Variants in PAPPA2 observed in about 807,000 individuals in gnomAD.
PAPPA2 encodes the protein pappalysin-2.
Under a neutral mutation model 176.4 loss-of-function variants are expected in PAPPA2, and 86 were observed. The observed-to-expected ratio is 0.49, with a 90% CI of 0.41 to 0.58. The LOEUF is 0.58. Among genes scored for constraint, PAPPA2 ranks in the 20% least tolerant of loss-of-function variants. The pLI is 0.00. For synonymous variants in PAPPA2, 809 were observed against 852.2 expected, an observed-to-expected ratio of 0.95 and a Z score of 0.88; for missense variants, 2,073 against 2,256.9, an observed-to-expected ratio of 0.92 and a Z score of 1.65.
In PAPPA2 at chr1:176,699,227, A is replaced by G; in HGVS notation, c.2874A>G (p.Gln958=). Residue 958 remains glutamine, a synonymous_variant, in exon 8 of 23, where the codon CAA becomes CAG. Coordinates refer to ENST00000367662, the MANE Select transcript of PAPPA2 (RefSeq NM_020318.3). ...GCTGTAGCTTGGAGCTGCTCTTCCA[A>G]CACCCGGTCCAAGCCGACACCCTCA... The part of the protein sequence containing the change: ...TEGCSLELLF[Q]HPVQADTLTL... 1 of 1,614,018 alleles carries G rather than the reference A, an allele frequency of 6.2e-7. No individual in the cohort carries two copies.
intron 12 of PAPPA2, among the ~76,000 whole-genome samples, chr1:176,719,719 A>G (rs961751354): frequency 6.6e-6 from 1 of 152,106 alleles, no homozygotes; most frequent in Admixed American, 6.5e-5. Flanking sequence ...TATTTCTTTT[A>G]TAACTCCATT....
chr1:176,811,183 ATTC>A (rs1415575932), intron 21 of PAPPA2, among the ~76,000 whole-genome samples: 1 of 152,224 alleles, frequency 6.6e-6, no homozygotes, highest in Non-Finnish European at 1.5e-5. Flanking sequence ...GTCTCTATGA[ATTC>A]TTATTATAAA....
chr1:176,740,163 C>G lies in PAPPA2; in HGVS notation c.4118C>G (p.Ser1373Ter). The change falls in exon 14 of 23, where the codon TCA becomes TGA. Residue 1373 changes from serine to a stop codon, truncating the protein, a stop_gained. Transcript: ENST00000367662. LOFTEE classifies it high-confidence loss of function. ...IGLSAPSNCI[S>*]EDEGQNHQGQ... ...CTTTCGGCTCCCAGTAACTGCATCT[C>G]AGAGGACGAGGGGCAGAATCATCAG... 5.0e-6 allele frequency: 8 copies of G among 1,613,828 alleles called. No homozygotes were observed. Among genetic ancestry groups the G allele is most frequent in the Non-Finnish European group, 6.8e-6 (8 of 1,179,854 alleles).
chr1:176,623,609 TCCTTCC>T (rs1655736768), intron 3 of PAPPA2, among the ~76,000 whole-genome samples: 189 of 137,466 alleles, frequency 1.4e-3, no homozygotes, highest in South Asian at 1.9e-3. Context: ...CTTCCTTCCT[TCCTTCC>T]TTCCTTCCTT....
chr1:176,551,002 C>CA (rs1271303559), intron 1 of PAPPA2, among the ~76,000 whole-genome samples: 1 of 152,056 alleles, frequency 6.6e-6, no homozygotes, highest in Non-Finnish European at 1.5e-5. Flanking sequence ...CCAGAGAAGG[C>CA]AAAAAAGCTG....
At chr1:176,691,521 T>C (rs1296152853) in intron 5 of PAPPA2, among the ~76,000 whole-genome samples, 5 of 152,170 alleles carry the variant, frequency 3.3e-5, no homozygotes, top group African/African-American at 4.8e-5. Context: ...AGAGGAAACA[T>C]TTAGGAAGCT....
At chr1:176,494,704 A>G (rs887604965) in intron 1 of PAPPA2, among the ~76,000 whole-genome samples, 2 of 152,176 alleles carry the variant, frequency 1.3e-5, no homozygotes, top group Non-Finnish European at 1.5e-5. Context: ...CGGCCTTCTG[A>G]TAACACGGCC....
intron 2 of PAPPA2, among the ~76,000 whole-genome samples, chr1:176,577,494 A>G (rs1334646868): frequency 6.6e-6 from 1 of 152,176 alleles, no homozygotes; most frequent in Non-Finnish European, 1.5e-5. Flanking sequence ...CTTATTTGTA[A>G]AAGCTTGGAG....
chr1:176,839,689 A>G (rs780458532), intron 21 of PAPPA2, among the ~76,000 whole-genome samples: 6 of 152,150 alleles, frequency 3.9e-5, no homozygotes, highest in Non-Finnish European at 5.9e-5. Context: ...ACCAAGTTAC[A>G]TGACATCTAA....
At chr1:176,696,527 TCAAA>T (rs1278920954) in intron 7 of PAPPA2, among the ~76,000 whole-genome samples, 5 of 152,174 alleles carry the variant, frequency 3.3e-5, no homozygotes, top group Non-Finnish European at 5.9e-5. Context: ...CCCTAACTTT[TCAAA>T]CAGTCACACA....
At chr1:176,525,814 C>T (rs1649466141) in intron 1 of PAPPA2, among the ~76,000 whole-genome samples, 1 of 152,194 alleles carries the variant, frequency 6.6e-6, no homozygotes, top group African/African-American at 2.4e-5. Context: ...AGGTATTCAC[C>T]TGGTTCTTCC....
intron 1 of PAPPA2, among the ~76,000 whole-genome samples, chr1:176,536,280 G>A (rs948338627): frequency 6.6e-6 from 1 of 152,172 alleles, no homozygotes; most frequent in Non-Finnish European, 1.5e-5. Flanking sequence ...TAGGGTCCGG[G>A]TGAGCTTTTC....
At chr1:176,786,125 AAGG>A (rs1378681538) in intron 17 of PAPPA2, among the ~76,000 whole-genome samples, 2 of 152,142 alleles carry the variant, frequency 1.3e-5, no homozygotes, top group Admixed American at 6.6e-5. Context: ...CTGCAGTGTG[AAGG>A]AGGAGTAAAA....
intron 1 of PAPPA2, among the ~76,000 whole-genome samples, chr1:176,521,241 G>A (rs759403495): frequency 4.6e-5 from 7 of 151,924 alleles, no homozygotes; most frequent in Admixed American, 1.3e-4. Context: ...CTTGGACTTC[G>A]CCAATATAAT....
At chr1:176,467,847 A>C (rs576310728) in intron 1 of PAPPA2, among the ~76,000 whole-genome samples, 2 of 152,230 alleles carry the variant, frequency 1.3e-5, no homozygotes, top group South Asian at 4.1e-4. Context: ...TTGTGGAGCC[A>C]CTACAATGTA....
At chr1:176,756,449 A>T (rs1017900031) in intron 14 of PAPPA2, among the ~76,000 whole-genome samples, 1 of 152,184 alleles carries the variant, frequency 6.6e-6, no homozygotes, top group East Asian at 1.9e-4. Flanking sequence ...GGATCAGCTA[A>T]TATATACATA....
At chr1:176,808,339 C>A (rs1665996290) in intron 21 of PAPPA2, among the ~76,000 whole-genome samples, 1 of 152,124 alleles carries the variant, frequency 6.6e-6, no homozygotes, top group African/African-American at 2.4e-5. Context: ...AAACACTAGG[C>A]AGGGATTAAT....
intron 2 of PAPPA2, among the ~76,000 whole-genome samples, chr1:176,585,861 T>C (rs1402835220): frequency 6.6e-6 from 1 of 152,240 alleles, no homozygotes; most frequent in Admixed American, 6.5e-5. Context: ...CTTTATTGAA[T>C]TTCTCATTCA....
intron 3 of PAPPA2, among the ~76,000 whole-genome samples, chr1:176,651,085 CT>C (rs912405491): frequency 6.6e-6 from 1 of 151,588 alleles, no homozygotes; most frequent in Non-Finnish European, 1.5e-5. Context: ...CTTATAAACT[CT>C]TATTAGATTG....
Sources: allele counts gnomAD v4.1 joint callset (sites outside exome capture counted in the v4.1 genomes callset), GRCh38; gene constraint gnomAD v4.1.1; transcripts MANE v1.5; gene names NCBI Gene and HGNC (gene_info 2026-07-23, HGNC 2026-07-21).